DIAPH2: variants seen among roughly 807,000 people sequenced by gnomAD.
The protein encoded by DIAPH2 is diaphanous related formin 2, also known as protein diaphanous homolog 2.
DIAPH2 carries 35 observed loss-of-function variants against 92.7 expected under a neutral mutation model. The observed-to-expected ratio is 0.38, with a 90% CI of 0.29 to 0.50. DIAPH2 has a LOEUF of 0.50. Among genes scored for constraint, DIAPH2 ranks in the 20% least tolerant of loss-of-function variants. DIAPH2 has a pLI of 0.94. For synonymous variants in DIAPH2, 301 were observed against 280.4 expected, an observed-to-expected ratio of 1.07 and a Z score of -0.73; for missense variants, 701 against 819.5, an observed-to-expected ratio of 0.86 and a Z score of 1.77.
intron 23 of DIAPH2, among the ~76,000 whole-genome samples, chrX:97,271,390 G>A (rs949276277): frequency 2.7e-5 from 3 of 111,945 alleles, no homozygotes; most frequent in African/African-American, 6.5e-5. Flanking sequence ...TTCAAGTTTT[G>A]TGTGCCACAT....
intron 23 of DIAPH2, among the ~76,000 whole-genome samples, chrX:97,256,725 C>T (rs996884956): frequency 1.8e-4 from 20 of 111,419 alleles, no homozygotes; most frequent in African/African-American, 5.9e-4. Flanking sequence ...AGTGCAGTGG[C>T]GCCATCTCGG....
chrX:96,966,381 G>A (rs1026098994), intron 17 of DIAPH2, among the ~76,000 whole-genome samples: 2 of 111,854 alleles, frequency 1.8e-5, no homozygotes, highest in African/African-American at 6.5e-5. Flanking sequence ...CATGCTTATA[G>A]CAAATTATTC....
At chrX:97,501,014 C>T (rs911318187) in intron 26 of DIAPH2, among the ~76,000 whole-genome samples, 21 of 108,136 alleles carry the variant, frequency 1.9e-4, no homozygotes, top group Admixed American at 7.1e-4. Flanking sequence ...TGTTGTAGTC[C>T]GTTGTTGTCT....
intron 4 of DIAPH2, among the ~76,000 whole-genome samples, chrX:96,770,603 T>G (rs1305442223): frequency 8.9e-6 from 1 of 112,166 alleles, no homozygotes; most frequent in East Asian, 2.8e-4. Context: ...ATTTGATTTT[T>G]TTAAATGGGT....
At chrX:97,570,488 G>A (rs1364383568) in intron 26 of DIAPH2, among the ~76,000 whole-genome samples, 1 of 109,146 alleles carries the variant, frequency 9.2e-6, no homozygotes, top group Non-Finnish European at 1.9e-5. Flanking sequence ...GATAGACAAA[G>A]AGAGAACAAA....
At chrX:96,891,610 G>A (rs1477731471) in intron 5 of DIAPH2, among the ~76,000 whole-genome samples, 2 of 112,197 alleles carry the variant, frequency 1.8e-5, no homozygotes, top group African/African-American at 3.2e-5. Flanking sequence ...AAAGAAATAC[G>A]TAGCAATAGA....
At chrX:97,094,601 G>A (rs1408052690) in intron 19 of DIAPH2, among the ~76,000 whole-genome samples, 4 of 112,252 alleles carry the variant, frequency 3.6e-5, no homozygotes, top group Non-Finnish European at 5.6e-5. Context: ...GGAGTCAAAT[G>A]CAAGAGTTTT....
rs763311457 is a variant in DIAPH2, at chrX:97,320,099, C to CAA, written c.2845-28008_2845-28007dup. The stretch of plus-strand genomic sequence containing the variant: ...TGGGTGACAGAGTGAGACTCTGTCT[C>CAA]AAAAAAAAAATATATATATATATAA... On this transcript the variant is annotated intron_variant, in intron 23 of 26. Transcript: ENST00000324765. Among the ~76,000 whole-genome samples the CAA allele has an allele frequency of 3.6e-4, 30 of 82,364 alleles. 1 individual carries two copies. The highest frequency in any genetic ancestry group is 1.1e-3 in the African/African-American group (24 of 22,086). The allele number at this position is 82,364 out of a possible 115,157, so 71.5% of individuals were successfully genotyped here.
chrX:96,944,320 C>G (rs901959481), intron 13 of DIAPH2, among the ~76,000 whole-genome samples: 4 of 111,881 alleles, frequency 3.6e-5, no homozygotes, highest in African/African-American at 1.3e-4. Flanking sequence ...TACTTTCCTC[C>G]TCAGTTGCTT....
chrX:97,536,957 T>C (rs761214985), intron 26 of DIAPH2, among the ~76,000 whole-genome samples: 31 of 112,022 alleles, frequency 2.8e-4, no homozygotes, highest in Non-Finnish European at 4.5e-4. Flanking sequence ...GACCATATAG[T>C]TCATTGGAGG....
intron 25 of DIAPH2, among the ~76,000 whole-genome samples, chrX:97,389,122 C>T (rs1345187570): frequency 1.8e-5 from 2 of 110,693 alleles, no homozygotes; most frequent in East Asian, 5.7e-4. Flanking sequence ...AGGAGTCCCC[C>T]GCCACACTCC....
intron 22 of DIAPH2, 136 bp from the exon 23 acceptor site, chrX:97,247,579 C>A: frequency 2.0e-6 from 1 of 500,168 alleles, no homozygotes; most frequent in Non-Finnish European, 3.2e-6. Context: ...AGCAGTAATT[C>A]AGAAAAATGT....
intron 1 of DIAPH2, among the ~76,000 whole-genome samples, chrX:96,707,682 TC>T (rs2063894168): frequency 9.1e-6 from 1 of 109,546 alleles, no homozygotes; most frequent in Non-Finnish European, 1.9e-5. Context: ...ACATATGTAC[TC>T]GTCTCAAAAG....
intron 26 of DIAPH2, among the ~76,000 whole-genome samples, chrX:97,491,506 G>A (rs1243545501): frequency 9.0e-6 from 1 of 110,975 alleles, no homozygotes; most frequent in Non-Finnish European, 1.9e-5. Context: ...CGCCTCCTGG[G>A]TTCAAGTGAT....
intron 5 of DIAPH2, 35 bp downstream of exon 5, chrX:96,881,753 C>T (rs968118513): frequency 8.5e-7 from 1 of 1,171,715 alleles, no homozygotes; most frequent in Non-Finnish European, 1.1e-6. Context: ...ATGATTCATA[C>T]AATTTGTAGT....
chrX:97,134,940 C>T (rs1442231390), intron 21 of DIAPH2, among the ~76,000 whole-genome samples: 1 of 111,166 alleles, frequency 9.0e-6, no homozygotes, highest in African/African-American at 3.3e-5. Context: ...ATCCTTTGCA[C>T]TGTATTCTAA....
At chrX:97,212,224 C>T (rs912536381) in intron 22 of DIAPH2, among the ~76,000 whole-genome samples, 1 of 111,651 alleles carries the variant, frequency 9.0e-6, no homozygotes, top group Non-Finnish European at 1.9e-5. Flanking sequence ...TCTAAAATGT[C>T]ACTTGAATTA....
At chrX:97,543,687 G>A (rs1166193263) in intron 26 of DIAPH2, among the ~76,000 whole-genome samples, 1 of 109,185 alleles carries the variant, frequency 9.2e-6, no homozygotes, top group Non-Finnish European at 1.9e-5. Flanking sequence ...TATATTTTTG[G>A]TAGAGATGGG....
intron 2 of DIAPH2, among the ~76,000 whole-genome samples, chrX:96,738,108 A>G (rs1227008893): frequency 8.9e-6 from 1 of 111,900 alleles, no homozygotes; most frequent in South Asian, 3.7e-4. Context: ...TAACCATTCT[A>G]CTGCTACACT....
Sources: gnomAD v4.1 joint callset for allele counts (sites outside exome capture counted in the v4.1 genomes callset) on GRCh38, gnomAD v4.1.1 for gene constraint, MANE v1.5 for transcripts, NCBI Gene and HGNC (gene_info 2026-07-23, HGNC 2026-07-21) for gene names.